RORB: variants seen among roughly 807,000 people sequenced by gnomAD.
RORB encodes nuclear receptor ROR-beta.
RORB carries 6 observed loss-of-function variants against 59.1 expected under a neutral mutation model. The ratio of observed to expected loss-of-function variants is 0.10; its 90% CI spans 0.06 to 0.20. RORB has a LOEUF of 0.20. RORB is among the 10% of genes least tolerant of loss of function. The pLI, the probability that RORB is intolerant of heterozygous loss-of-function variation, is 1.00. For missense variants in RORB, 320 were observed against 560.5 expected (o/e 0.57, Z 4.33); for synonymous variants, 215 against 204.5 (o/e 1.05, Z -0.44).
intron 9 of RORB, among the ~76,000 whole-genome samples, chr9:74,683,120 T>C (rs368100531): frequency 6.6e-6 from 1 of 152,166 alleles, no homozygotes; most frequent in East Asian, 1.9e-4. Flanking sequence ...ATTGACAAGA[T>C]TGACAATAAT....
At chr9:74,629,980 A>G (rs1264329835) in intron 1 of RORB, among the ~76,000 whole-genome samples, 1 of 152,208 alleles carries the variant, frequency 6.6e-6, no homozygotes, top group East Asian at 1.9e-4. Flanking sequence ...GAGTCCCACT[A>G]CTTTTAAGGT....
At chr9:74,586,302 G>A (rs992150234) in intron 1 of RORB, among the ~76,000 whole-genome samples, 8 of 151,870 alleles carry the variant, frequency 5.3e-5, no homozygotes, top group South Asian at 2.1e-4. Flanking sequence ...GTTCAAGACC[G>A]GCCTTGGCAA....
chr9:74,661,636 C>CTTTTTTTT (rs779927558), intron 5 of RORB, among the ~76,000 whole-genome samples: 3 of 79,600 alleles, frequency 3.8e-5, no homozygotes, highest in African/African-American at 4.8e-5. Flanking sequence ...TTCTTTTTTC[C>CTTTTTTTT]TTTTTTTTTT....
intron 1 of RORB, among the ~76,000 whole-genome samples, chr9:74,535,267 T>A (rs537086230): frequency 6.6e-6 from 1 of 152,096 alleles, no homozygotes; most frequent in East Asian, 1.9e-4. Flanking sequence ...AAAAAACAAA[T>A]CTTTGCATTG....
At chr9:74,639,250 G>T (rs1342345126) in intron 3 of RORB, among the ~76,000 whole-genome samples, 4 of 152,208 alleles carry the variant, frequency 2.6e-5, no homozygotes, top group Non-Finnish European at 5.9e-5. Flanking sequence ...GTCATGGTGA[G>T]GTGCACAATC....
intron 1 of RORB, among the ~76,000 whole-genome samples, chr9:74,547,728 T>C (rs535353338): frequency 1.3e-5 from 2 of 152,274 alleles, no homozygotes; most frequent in East Asian, 3.9e-4. Flanking sequence ...ACAGAATTAA[T>C]AAGGGGAGGA....
intron 4 of RORB, among the ~76,000 whole-genome samples, chr9:74,647,751 G>GTC (rs1050441158): frequency 6.6e-6 from 1 of 152,172 alleles, no homozygotes. Context: ...AAGCGATCTA[G>GTC]TCCCTGTAAT....
At position 74,578,341 on chromosome 9, in the gene RORB, T is replaced by C. The variant is rs7846874; in HGVS notation, c.8-51941T>C. Among the ~76,000 whole-genome samples, 392 of 152,254 alleles carry C rather than the reference T, an allele frequency of 2.6e-3. 6 individuals are homozygous for C. The highest frequency in any genetic ancestry group is 8.8e-3 in the African/African-American group (365 of 41,558). On this transcript the variant is annotated intron_variant, in intron 1 of 9. Transcript: ENST00000376896. Reference sequence around the variant, plus strand: ...TGAGAAAGAAAGCAGTAAATGTTTATTGAGAGCATTATGAAGATCCAAACT... The same window carrying C: ...TGAGAAAGAAAGCAGTAAATGTTTACTGAGAGCATTATGAAGATCCAAACT...
chr9:74,532,578 C>T (rs1445003251), intron 1 of RORB, among the ~76,000 whole-genome samples: 1 of 151,498 alleles, frequency 6.6e-6, no homozygotes, highest in African/African-American at 2.4e-5. Flanking sequence ...TCAGGAGACC[C>T]TTAGTAAGTG....
At chr9:74,579,244 A>G (rs1587367848) in intron 1 of RORB, among the ~76,000 whole-genome samples, 1 of 152,278 alleles carries the variant, frequency 6.6e-6, no homozygotes, top group Non-Finnish European at 1.5e-5. Flanking sequence ...AACTAAATAG[A>G]TATTAAGTGC....
At chr9:74,524,694 G>C (rs1826132345) in intron 1 of RORB, among the ~76,000 whole-genome samples, 1 of 151,448 alleles carries the variant, frequency 6.6e-6, no homozygotes, top group Non-Finnish European at 1.5e-5. Context: ...TCAAAGCTTA[G>C]ATCAACCATT....
intron 1 of RORB, among the ~76,000 whole-genome samples, chr9:74,590,547 T>C (rs778615398): frequency 6.9e-4 from 105 of 152,098 alleles, no homozygotes; most frequent in Non-Finnish European, 4.7e-4. Context: ...ATCATGAGGA[T>C]TGAATAAGAT....
chr9:74,691,207 C>CA lies in RORB; in HGVS notation c.*5590dup, dbSNP rs1327457288. On this transcript the variant is annotated 3_prime_UTR_variant, in exon 10 of 10. Coordinates refer to ENST00000376896, the MANE Select transcript of RORB (RefSeq NM_006914.4). ...CTCCAGTGGATCAGAGAAAGCAGCT[C>CA]AGTGATTGTTCTCATGGCCAAAAAT... 1 of 152,204 alleles carries CA rather than the reference C, an allele frequency of 6.6e-6. No individual in the cohort carries two copies. Among genetic ancestry groups the CA allele is most frequent in the Non-Finnish European group, 1.5e-5 (1 of 68,072 alleles). The allele number at this position is 152,204 out of a possible 1,614,324, so 9.4% of individuals were successfully genotyped here. A position where few individuals can be genotyped will look rare whatever the true frequency, so the allele number is the denominator to read the frequency against.
At chr9:74,654,896 GAA>G (rs965630658) in intron 4 of RORB, among the ~76,000 whole-genome samples, 1 of 152,146 alleles carries the variant, frequency 6.6e-6, no homozygotes, top group African/African-American at 2.4e-5. Context: ...GAAAGGAAGA[GAA>G]AGAGAGAAAG....
chr9:74,623,794 G>A (rs1823463334), intron 1 of RORB, among the ~76,000 whole-genome samples: 1 of 152,136 alleles, frequency 6.6e-6, no homozygotes, highest in South Asian at 2.1e-4. Context: ...CCTGAATAAC[G>A]TCGGGTCCCA....
At chr9:74,638,250 A>G (rs1823737745) in intron 3 of RORB, among the ~76,000 whole-genome samples, 1 of 152,214 alleles carries the variant, frequency 6.6e-6, no homozygotes, top group Non-Finnish European at 1.5e-5. Context: ...GTGCTATGTT[A>G]ATAGAAATCT....
intron 9 of RORB, among the ~76,000 whole-genome samples, chr9:74,675,938 A>G (rs1188922978): frequency 6.6e-6 from 1 of 152,156 alleles, no homozygotes; most frequent in Non-Finnish European, 1.5e-5. Context: ...AACTATAAAG[A>G]CTGTTGCTCT....
At chr9:74,631,315 A>C (rs1391789783) in intron 2 of RORB, among the ~76,000 whole-genome samples, 3 of 152,250 alleles carry the variant, frequency 2.0e-5, no homozygotes, top group African/African-American at 7.2e-5. Context: ...AGAACAAATA[A>C]AATGCAGCCA....
intron 1 of RORB, 138 bp from the exon 2 acceptor site, chr9:74,630,144 T>A: frequency 9.6e-7 from 1 of 1,044,624 alleles, no homozygotes; most frequent in Non-Finnish European, 1.3e-6. Context: ...TACTAATGGA[T>A]GACTCCCACA....
Sources: allele counts gnomAD v4.1 joint callset (sites outside exome capture counted in the v4.1 genomes callset), GRCh38; gene constraint gnomAD v4.1.1; transcripts MANE v1.5; gene names NCBI Gene and HGNC (gene_info 2026-07-23, HGNC 2026-07-21).